APBB2: variants seen among roughly 807,000 people sequenced by gnomAD.
APBB2 encodes amyloid beta precursor protein binding family B member 2.
APBB2 carries 38 observed loss-of-function variants against 82.5 expected under a neutral mutation model. The ratio of observed to expected loss-of-function variants is 0.46; its 90% CI spans 0.36 to 0.60. APBB2 has a LOEUF of 0.60. Ranked by LOEUF, APBB2 falls within the 20% of genes least tolerant of loss-of-function variation. APBB2 has a pLI of 0.00. For synonymous variants in APBB2, 341 were observed against 368.2 expected (o/e 0.93, Z 0.85); for missense variants, 772 against 972.3 (o/e 0.79, Z 2.74).
At chr4:41,122,149 C>G (rs1014046251) in intron 2 of APBB2, among the ~76,000 whole-genome samples, 1 of 152,106 alleles carries the variant, frequency 6.6e-6, no homozygotes, top group African/African-American at 2.4e-5. Flanking sequence ...TGGTCTCAAA[C>G]TCCTGGGCTC....
chr4:40,987,330 G>T (rs77068337), intron 6 of APBB2, among the ~76,000 whole-genome samples: 5,939 of 152,144 alleles, frequency 0.039, 165 homozygotes, highest in Non-Finnish European at 0.058. Context: ...TCAGCATTTG[G>T]CAGAAGTTGT....
intron 6 of APBB2, among the ~76,000 whole-genome samples, chr4:40,993,476 G>A (rs1358815713): frequency 1.3e-5 from 2 of 150,412 alleles, no homozygotes; most frequent in Admixed American, 1.3e-4. Context: ...CTTGACCTCC[G>A]GGGCTCAAGG....
At chr4:40,820,915 C>T (rs915963480) in intron 17 of APBB2, among the ~76,000 whole-genome samples, 2 of 152,004 alleles carry the variant, frequency 1.3e-5, no homozygotes, top group East Asian at 3.9e-4. Context: ...GTTGCCCAGG[C>T]TGGAGTGCAA....
At chr4:40,972,634 T>C (rs1578865685) in intron 6 of APBB2, among the ~76,000 whole-genome samples, 1 of 152,204 alleles carries the variant, frequency 6.6e-6, no homozygotes, top group East Asian at 1.9e-4. Context: ...TTGAACTAGG[T>C]GTTAGAAGTA....
chr4:40,834,197 T>C (rs1403755343), intron 12 of APBB2, among the ~76,000 whole-genome samples: 1 of 152,110 alleles, frequency 6.6e-6, no homozygotes, highest in Non-Finnish European at 1.5e-5. Flanking sequence ...TGTCAGTCCA[T>C]GACGGTGGGT....
At chr4:40,844,787 T>C (rs1757020369) in intron 12 of APBB2, among the ~76,000 whole-genome samples, 2 of 152,222 alleles carry the variant, frequency 1.3e-5, no homozygotes, top group African/African-American at 4.8e-5. Context: ...TCAGAATGGA[T>C]GTGCTAGGAA....
intron 15 of APBB2, among the ~76,000 whole-genome samples, chr4:40,824,496 AT>A (rs879686855): frequency 1.3e-5 from 2 of 151,294 alleles, no homozygotes; most frequent in Non-Finnish European, 3.0e-5. Flanking sequence ...ACCATCATCA[AT>A]TTTTTTTTGA....
rs959009533 is a variant in APBB2 at position 40,832,536 on chromosome 4, C to T, written c.1530-1959G>A. On this transcript the variant is annotated intron_variant, in intron 12 of 17. Transcript: ENST00000508593. This position sits in a 1 kb window ranked among gnomAD's most constrained non-coding sequence, Gnocchi z 4.8. The stretch of plus-strand genomic sequence containing the variant: ...CCTGCCTCACGTGCCACACCCAATC[C>T]CCACATTCGTCCTGTTTCACCTCCT... 6.6e-6 allele frequency among the ~76,000 whole-genome samples: 1 copy of T among 152,196 alleles called. No individual in the cohort carries two copies. The highest frequency in any genetic ancestry group is 2.4e-5 in the African/African-American group (1 of 41,442).
chr4:41,166,990 C>T (rs1259859254), intron 1 of APBB2, among the ~76,000 whole-genome samples: 1 of 152,244 alleles, frequency 6.6e-6, no homozygotes, highest in Non-Finnish European at 1.5e-5. Context: ...ACCCACACTT[C>T]TGTCTTGGCT....
At chr4:41,038,432 AT>A (rs2057823882) in intron 4 of APBB2, among the ~76,000 whole-genome samples, 2 of 152,076 alleles carry the variant, frequency 1.3e-5, no homozygotes, top group South Asian at 4.2e-4. Flanking sequence ...TGTCCAACCC[AT>A]TTTTAAAACA....
intron 6 of APBB2, among the ~76,000 whole-genome samples, chr4:40,975,531 T>C (rs1409060227): frequency 1.3e-5 from 2 of 152,290 alleles, no homozygotes; most frequent in East Asian, 3.9e-4. Flanking sequence ...GGACGTATCA[T>C]TAGCACAATC....
intron 6 of APBB2, among the ~76,000 whole-genome samples, chr4:40,980,509 C>T (rs573093610): frequency 8.6e-5 from 13 of 152,014 alleles, no homozygotes; most frequent in African/African-American, 2.9e-4. Context: ...ACAGGACCCA[C>T]GAGGGGGCAC....
intron 5 of APBB2, among the ~76,000 whole-genome samples, chr4:41,020,669 T>G (rs1811237663): frequency 6.6e-6 from 1 of 152,234 alleles, no homozygotes; most frequent in African/African-American, 2.4e-5. Flanking sequence ...TTACAACGTT[T>G]TCAACAAAAG....
intron 1 of APBB2, among the ~76,000 whole-genome samples, chr4:41,211,283 G>A (rs1779251173): frequency 6.6e-6 from 1 of 151,246 alleles, no homozygotes. Flanking sequence ...AATAATACTA[G>A]GCACTGAACA....
chr4:41,044,013 G>C (rs944976445), intron 4 of APBB2, among the ~76,000 whole-genome samples: 2 of 152,184 alleles, frequency 1.3e-5, no homozygotes, highest in African/African-American at 4.8e-5. Context: ...TCTTTCATCA[G>C]GAAGCACATG....
At chr4:40,864,508 A>G (rs537170330) in intron 12 of APBB2, among the ~76,000 whole-genome samples, 24 of 152,214 alleles carry the variant, frequency 1.6e-4, no homozygotes, top group Non-Finnish European at 2.9e-4. Flanking sequence ...CTCCTGCCCA[A>G]TGGCCTGGAG....
intron 6 of APBB2, among the ~76,000 whole-genome samples, chr4:40,992,800 C>T (rs1449157916): frequency 3.3e-5 from 5 of 152,202 alleles, no homozygotes; most frequent in East Asian, 3.9e-4. Context: ...CAAGTAAGAC[C>T]GAGGCTCATG....
chr4:41,101,484 A>C (rs1384349119), intron 2 of APBB2, among the ~76,000 whole-genome samples: 1 of 88,634 alleles, frequency 1.1e-5, no homozygotes, highest in Non-Finnish European at 2.7e-5. Context: ...AAAAAAAAAA[A>C]AAAAAAAAAA....
intron 1 of APBB2, among the ~76,000 whole-genome samples, chr4:41,156,109 G>A (rs1763384058): frequency 6.6e-6 from 1 of 150,960 alleles, no homozygotes; most frequent in African/African-American, 2.4e-5. Flanking sequence ...AAAAAACCCT[G>A]AACTTTGTAA....
Sources: gnomAD v4.1 joint callset for allele counts (sites outside exome capture counted in the v4.1 genomes callset) on GRCh38, gnomAD v4.1.1 for gene constraint, Gnocchi (gnomAD v3.1) non-coding constraint, MANE v1.5 for transcripts, NCBI Gene and HGNC (gene_info 2026-07-23, HGNC 2026-07-21) for gene names.